MARK1: variants seen among roughly 807,000 people sequenced by gnomAD.
The protein encoded by MARK1 is serine/threonine-protein kinase MARK1.
MARK1 carries 40 observed loss-of-function variants against 96.3 expected under a neutral mutation model. The ratio of observed to expected loss-of-function variants is 0.42; its 90% CI spans 0.32 to 0.54. The LOEUF (loss-of-function observed/expected upper bound fraction) is 0.54, where lower values mean the gene tolerates loss of function less well. Ranked by LOEUF, MARK1 falls within the 20% of genes least tolerant of loss-of-function variation. The pLI is 0.16. For missense variants in MARK1, 719 were observed against 984.6 expected (o/e 0.73, Z 3.61); for synonymous variants, 317 against 341.2 (o/e 0.93, Z 0.78).
chr1:220,653,368 C>T lies in MARK1; in HGVS notation c.1988+16C>T. ...TTGTTCGCAGGTCAGTACCAATGTA[C>T]TGTCGTGTTTTGATTCCTCTAGAAA... On this transcript the variant is annotated intron_variant, in intron 16 of 17. Transcript: ENST00000366917. The T allele has an allele frequency of 1.9e-6, 3 of 1,612,176 alleles. No individual in the cohort carries two copies. Among genetic ancestry groups the T allele is most frequent in the Non-Finnish European group, 2.5e-6 (3 of 1,178,358 alleles).
chr1:220,644,396 A>T (rs1668460187), intron 13 of MARK1, among the ~76,000 whole-genome samples: 1 of 151,876 alleles, frequency 6.6e-6, no homozygotes, highest in African/African-American at 2.4e-5. Context: ...CACCCAATAT[A>T]GAAGGACCCA....
intron 13 of MARK1, among the ~76,000 whole-genome samples, chr1:220,643,352 G>C (rs1668388150): frequency 6.6e-6 from 1 of 152,152 alleles, no homozygotes; most frequent in South Asian, 2.1e-4. Context: ...TTTGAAGACT[G>C]TCTTGGTGAA....
chr1:220,617,606 G>A (rs1315277629), intron 7 of MARK1, among the ~76,000 whole-genome samples: 4 of 152,160 alleles, frequency 2.6e-5, no homozygotes, highest in Non-Finnish European at 4.4e-5. Flanking sequence ...TTGTCTTTGA[G>A]TGATTCTGCT....
In MARK1 at chr1:220,661,871, G is replaced by A; in HGVS notation, c.2093G>A (p.Arg698His). 6.2e-7 allele frequency: 1 copy of A among 1,614,144 alleles called. No individual in the cohort carries two copies. Among genetic ancestry groups the A allele is most frequent in the Non-Finnish European group, 8.5e-7 (1 of 1,180,004 alleles). The part of the protein sequence containing the change: ...DKEEGKDSKP[R>H]SLRFTWSMKT... ...GAAGAGGGTAAAGATTCTAAGCCGCGTTCTTTGCGGTTCACATGGAGTATG... is the reference window on the plus strand; with the variant it reads ...GAAGAGGGTAAAGATTCTAAGCCGCATTCTTTGCGGTTCACATGGAGTATG... The change falls in exon 18 of 18, where the codon CGT becomes CAT. Residue 698 changes from arginine to histidine, a missense_variant. Arg to His is a conservative substitution (Grantham distance 29). Coordinates refer to ENST00000366917, the MANE Select transcript of MARK1 (RefSeq NM_018650.5).
chr1:220,636,790 C>A (rs569265895), intron 13 of MARK1, among the ~76,000 whole-genome samples: 1 of 151,976 alleles, frequency 6.6e-6, no homozygotes, highest in African/African-American at 2.4e-5. Context: ...GTAGTCCCAG[C>A]TACTCGGGAG....
At chr1:220,545,548 C>T (rs79152290) in intron 1 of MARK1, among the ~76,000 whole-genome samples, 2,345 of 150,244 alleles carry the variant, frequency 0.016, 32 homozygotes, top group Middle Eastern at 0.045. Flanking sequence ...TCAATCCATC[C>T]GCCTCAGCCT....
Position 220,650,721 on chromosome 1 carries a change from G to A in MARK1, c.1571+1G>A. The stretch of plus-strand genomic sequence containing the variant: ...CATTGCAGAATGGAAAAGACAGCAG[G>A]TAAATGCCACAGTGCCAAGTAGTAA... On this transcript the variant is annotated splice_donor_variant, in intron 14 of 17. Transcript: ENST00000366917. LOFTEE classifies it high-confidence loss of function. 1.2e-6 allele frequency: 2 copies of A among 1,608,308 alleles called. No individual in the cohort carries two copies. Among genetic ancestry groups the A allele is most frequent in the Non-Finnish European group, 1.7e-6 (2 of 1,175,066 alleles).
At chr1:220,535,967 T>G (rs1291915774) in intron 1 of MARK1, among the ~76,000 whole-genome samples, 1 of 152,208 alleles carries the variant, frequency 6.6e-6, no homozygotes, top group East Asian at 1.9e-4. Context: ...TTGTTCTTTC[T>G]GAAGATTGTT....
intron 6 of MARK1, 58 bp from the exon 7 acceptor site, chr1:220,615,881 T>G: frequency 1.2e-6 from 1 of 861,290 alleles, no homozygotes; most frequent in Non-Finnish European, 1.9e-6. Flanking sequence ...GAGGTGATTA[T>G]TGGGGAAAAT....
chr1:220,633,946 A>T (rs1572208814), intron 11 of MARK1, among the ~76,000 whole-genome samples: 1 of 152,322 alleles, frequency 6.6e-6, no homozygotes, highest in African/African-American at 2.4e-5. Flanking sequence ...TGGAGTCTTC[A>T]TTAGAGGGGA....
At chr1:220,540,448 T>C (rs1283461085) in intron 1 of MARK1, among the ~76,000 whole-genome samples, 3 of 152,380 alleles carry the variant, frequency 2.0e-5, no homozygotes, top group African/African-American at 7.2e-5. Flanking sequence ...GTTCAGTTGC[T>C]GATCAAAATG....
At chr1:220,561,119 G>A (rs561369593) in intron 1 of MARK1, among the ~76,000 whole-genome samples, 2 of 150,552 alleles carry the variant, frequency 1.3e-5, no homozygotes, top group African/African-American at 4.8e-5. Flanking sequence ...GTAAGGAGGT[G>A]TAGGTAGGAC....
intron 2 of MARK1, 68 bp from the exon 3 acceptor site, chr1:220,580,997 T>G (rs1664202047): frequency 3.2e-6 from 2 of 621,466 alleles, no homozygotes; most frequent in South Asian, 9.5e-5. Context: ...AGAAATTGGA[T>G]TTTTTGAAAG....
intron 3 of MARK1, among the ~76,000 whole-genome samples, chr1:220,592,301 A>G (rs1665050853): frequency 2.0e-5 from 3 of 151,082 alleles, no homozygotes; most frequent in Admixed American, 1.3e-4. Context: ...TGCTCTAGAG[A>G]CTATACTTGC....
chr1:220,531,729 G>C (rs999297873), intron 1 of MARK1, among the ~76,000 whole-genome samples: 3 of 152,118 alleles, frequency 2.0e-5, no homozygotes, highest in Non-Finnish European at 4.4e-5. Context: ...AGATTTGTGT[G>C]TGCCTTGTTA....
chr1:220,575,512 T>C (rs537908259), intron 1 of MARK1, among the ~76,000 whole-genome samples: 5 of 152,198 alleles, frequency 3.3e-5, no homozygotes, highest in Non-Finnish European at 5.9e-5. Context: ...TATCCCAAAC[T>C]GTACTTCAAA....
At chr1:220,545,613 T>C (rs1414734695) in intron 1 of MARK1, among the ~76,000 whole-genome samples, 1 of 151,934 alleles carries the variant, frequency 6.6e-6, no homozygotes, top group Non-Finnish European at 1.5e-5. Flanking sequence ...ATTTTTGTAT[T>C]TTTTCGTAGA....
chr1:220,592,219 C>CATATCATATTATATT (rs959896118), intron 3 of MARK1, among the ~76,000 whole-genome samples: 51 of 136,522 alleles, frequency 3.7e-4, no homozygotes, highest in African/African-American at 1.3e-3. Context: ...ATGATTATAT[C>CATATCATATTATATT]ATATTATATT....
intron 1 of MARK1, among the ~76,000 whole-genome samples, chr1:220,571,211 T>A (rs556797853): frequency 2.0e-5 from 3 of 152,298 alleles, no homozygotes; most frequent in South Asian, 4.1e-4. Context: ...GATAACATAT[T>A]TAGTGGGTCC....
Sources: gnomAD v4.1 joint callset for allele counts (sites outside exome capture counted in the v4.1 genomes callset) on GRCh38, gnomAD v4.1.1 for gene constraint, MANE v1.5 for transcripts, NCBI Gene and HGNC (gene_info 2026-07-23, HGNC 2026-07-21) for gene names.